TBCK: variants seen among roughly 807,000 people sequenced by gnomAD.
The protein encoded by TBCK is TBC domain-containing protein kinase-like protein.
A neutral mutation model predicts 113.4 loss-of-function variants in TBCK; 99 were observed. That is an observed-to-expected ratio of 0.87 (90% confidence interval 0.74 to 1.03). TBCK has a LOEUF of 1.03. Ranked by LOEUF, TBCK falls within the 50% of genes least tolerant of loss-of-function variation. The pLI, the probability that TBCK is intolerant of heterozygous loss-of-function variation, is 0.00. For missense variants in TBCK, 1,045 were observed against 1,061.3 expected (o/e 0.98, Z 0.21); for synonymous variants, 369 against 370.8 (o/e 1.00, Z 0.05).
chr4:106,236,621 C>G, intron 13 of TBCK, 102 bp from the exon 14 acceptor site: 8 of 1,171,160 alleles, frequency 6.8e-6, no homozygotes, highest in Non-Finnish European at 8.8e-6. Context: ...AGAAAAAGCA[C>G]AAAATTTTAA....
chr4:106,193,203 C>T (rs1398026350), intron 22 of TBCK, among the ~76,000 whole-genome samples: 1 of 152,158 alleles, frequency 6.6e-6, no homozygotes, highest in Non-Finnish European at 1.5e-5. Context: ...GCAGCTTTGG[C>T]TGGGAGGCAA....
At chr4:106,139,373 C>T (rs1746927530) in intron 23 of TBCK, among the ~76,000 whole-genome samples, 1 of 141,538 alleles carries the variant, frequency 7.1e-6, no homozygotes, top group Non-Finnish European at 1.6e-5. Context: ...CATCAGCCAA[C>T]CATTTACATT....
chr4:106,133,050 A>C (rs1389463133), intron 23 of TBCK, among the ~76,000 whole-genome samples: 1 of 152,128 alleles, frequency 6.6e-6, no homozygotes, highest in Non-Finnish European at 1.5e-5. Flanking sequence ...ATGAGTTAAG[A>C]CTTTGGGGGA....
chr4:106,075,291 G>C (rs1738044732), intron 25 of TBCK, among the ~76,000 whole-genome samples: 1 of 152,180 alleles, frequency 6.6e-6, no homozygotes, highest in South Asian at 2.1e-4. Context: ...ACAGTTTCTT[G>C]AAACGATTTC....
Position 106,236,421 on chromosome 4 carries a change from T to G in TBCK, c.1319A>C (p.Asn440Thr). The change falls in exon 14 of 26, where the codon AAT becomes ACT. Residue 440 changes from asparagine (N) to threonine (T), a missense_variant. By Grantham distance (65) the Asn-to-Thr change is moderately conservative. Transcript: ENST00000394708. The part of the protein sequence containing the change: ...IREKDTEYQL[N>T]RIILFDRLLK... ...CAGCCTGTCGAAGAGAATAATTCTA[T>G]TTAGTTGGTACTCTGTATCCTTCTC... is the stretch of plus-strand genomic sequence containing the variant. 6.5e-7 allele frequency: 1 copy of G among 1,550,122 alleles called. No homozygotes were observed. The highest frequency in any genetic ancestry group is 1.3e-5 in the South Asian group (1 of 77,528).
intron 24 of TBCK, among the ~76,000 whole-genome samples, chr4:106,113,273 A>G (rs73836987): frequency 0.011 from 1,715 of 152,318 alleles, 31 homozygotes; most frequent in African/African-American, 0.039. Flanking sequence ...CCATAGTAGA[A>G]CATACTCACT....
At chr4:106,073,247 T>C (rs1737711887) in intron 25 of TBCK, among the ~76,000 whole-genome samples, 1 of 152,228 alleles carries the variant, frequency 6.6e-6, no homozygotes, top group South Asian at 2.1e-4. Context: ...TATCTATCTT[T>C]GGTCTTTGAT....
chr4:106,304,379 T>A (rs1767280946), intron 2 of TBCK, among the ~76,000 whole-genome samples: 1 of 152,120 alleles, frequency 6.6e-6, no homozygotes, highest in Non-Finnish European at 1.5e-5. Flanking sequence ...AGATCTCAGA[T>A]CCTCATACCA....
At chr4:106,175,452 C>T (rs941275708) in intron 22 of TBCK, among the ~76,000 whole-genome samples, 1 of 151,084 alleles carries the variant, frequency 6.6e-6, no homozygotes, top group South Asian at 2.1e-4. Context: ...TTAGAAGACT[C>T]CTAAGTAAGA....
rs779135254 is a variant in TBCK, at chr4:106,236,795, A to T, written c.1184T>A (p.Val395Asp). 1 of 1,518,596 alleles carries T rather than the reference A, an allele frequency of 6.6e-7. No individual in the cohort carries two copies. Among genetic ancestry groups the T allele is most frequent in the Non-Finnish European group, 8.8e-7 (1 of 1,131,640 alleles). The allele number at this position is 1,518,596 out of a possible 1,614,324, so 94.1% of individuals were successfully genotyped here. The change falls in exon 13 of 26, where the codon GTT becomes GAT. Residue 395 changes from valine (V) to aspartate (D), a missense_variant. Val to Asp is a radical substitution (Grantham distance 152). Transcript: ENST00000394708. ...LCQLRNRLKDVGGEAFYPLLE... is the reference protein window; with the variant it reads ...LCQLRNRLKDDGGEAFYPLLE... ...TAATGGGTAAAATGCTTCTCCACCA[A>T]CATCTTTCAATCTCTGTGTATTTAA...
chr4:106,314,133 A>C (rs1391904749), intron 1 of TBCK, among the ~76,000 whole-genome samples: 3 of 152,220 alleles, frequency 2.0e-5, no homozygotes, highest in African/African-American at 7.2e-5. Context: ...GTTATAGTTA[A>C]GAAATATATT....
intron 5 of TBCK, among the ~76,000 whole-genome samples, chr4:106,259,938 T>G (rs1308224990): frequency 1.3e-5 from 2 of 151,946 alleles, no homozygotes; most frequent in Non-Finnish European, 2.9e-5. Flanking sequence ...TAAACCTTTC[T>G]GAACTTAAAC....
At chr4:106,184,200 T>C (rs1020947841) in intron 22 of TBCK, among the ~76,000 whole-genome samples, 1 of 152,092 alleles carries the variant, frequency 6.6e-6, no homozygotes, top group East Asian at 1.9e-4. Context: ...ATCTTAAGCA[T>C]GTATCTAAAA....
intron 3 of TBCK, among the ~76,000 whole-genome samples, chr4:106,268,361 T>C (rs1763174825): frequency 1.3e-5 from 2 of 152,226 alleles, no homozygotes; most frequent in African/African-American, 4.8e-5. Flanking sequence ...ATCTTGAGTA[T>C]GGACTAGCTT....
intron 24 of TBCK, among the ~76,000 whole-genome samples, chr4:106,112,076 C>T (rs1742923985): frequency 6.6e-6 from 1 of 152,118 alleles, no homozygotes; most frequent in African/African-American, 2.4e-5. Flanking sequence ...AAACACTCCC[C>T]TACAGATGAC....
At chr4:106,192,277 A>G (rs559763073) in intron 22 of TBCK, among the ~76,000 whole-genome samples, 2 of 152,222 alleles carry the variant, frequency 1.3e-5, no homozygotes, top group East Asian at 3.9e-4. Flanking sequence ...AAAATGTACA[A>G]TCAGCATTCC....
rs185413574 is a variant in TBCK at position 106,308,103 on chromosome 4, T to C, written c.193+665A>G. 3.5e-3 allele frequency among the ~76,000 whole-genome samples: 540 copies of C among 152,272 alleles called. 7 individuals carry two copies. The highest frequency in any genetic ancestry group is 3.6e-3 in the Non-Finnish European group (247 of 68,010). On this transcript the variant is annotated intron_variant, in intron 2 of 25. Transcript: ENST00000394708. ...CATTTCCTTCATATAGATAAAGAAA[T>C]ATGTTTAAGAATAGACGGTTTCCCT...
At chr4:106,144,655 T>C (rs1321221297) in intron 23 of TBCK, among the ~76,000 whole-genome samples, 1 of 152,060 alleles carries the variant, frequency 6.6e-6, no homozygotes, top group Non-Finnish European at 1.5e-5. Flanking sequence ...AAAAAATGAT[T>C]ATCTTTCTTT....
chr4:106,281,911 G>T (rs1458659822), intron 3 of TBCK, among the ~76,000 whole-genome samples: 3 of 151,922 alleles, frequency 2.0e-5, no homozygotes, highest in African/African-American at 7.3e-5. Flanking sequence ...GGGTAATATT[G>T]GCCTCGTAGA....
Sources: gnomAD v4.1 joint callset for allele counts (sites outside exome capture counted in the v4.1 genomes callset) on GRCh38, gnomAD v4.1.1 for gene constraint, MANE v1.5 for transcripts, NCBI Gene and HGNC (gene_info 2026-07-23, HGNC 2026-07-21) for gene names.